Variants in PCDHGB2 observed in about 807,000 individuals in gnomAD.
PCDHGB2 encodes protocadherin gamma subfamily B, 2.
PCDHGB2 carries 55 observed loss-of-function variants against 59.3 expected under a neutral mutation model. The observed-to-expected ratio is 0.93, with a 90% CI of 0.75 to 1.16. The LOEUF is 1.16. Ranked by LOEUF, PCDHGB2 falls within the 50% of genes most tolerant of loss-of-function variation. The pLI is 0.00. For missense variants in PCDHGB2, 1,228 were observed against 1,198.5 expected, an observed-to-expected ratio of 1.02 and a Z score of -0.36; for synonymous variants, 516 against 512.0, an observed-to-expected ratio of 1.01 and a Z score of -0.11.
intron 1 of PCDHGB2, chr5:141,415,978 C>A: frequency 5.7e-6 from 2 of 353,430 alleles, no homozygotes; most frequent in Non-Finnish European, 9.4e-6. Flanking sequence ...CTTAAGCAAC[C>A]CTCTTGTTCT....
At position 141,370,593 on chromosome 5, in the gene PCDHGB2, C is replaced by T. The variant is rs373364003; in HGVS notation, c.2421+8037C>T. On this transcript the variant is annotated intron_variant, in intron 1 of 3. Coordinates refer to ENST00000522605, the MANE Select transcript of PCDHGB2 (RefSeq NM_018923.3). ...GGGGGATTTACCTACTAGGAACCTG[C>T]GGGTTATTGCAGAGAAGAAATTCTT... is the stretch of plus-strand genomic sequence containing the variant. 26 of 1,613,708 alleles carry T rather than the reference C, an allele frequency of 1.6e-5. No homozygotes were observed. The African/African-American group carries it at 2.8e-4, about 17-fold the overall frequency.
chr5:141,395,459 T>C (rs2093235244), intron 1 of PCDHGB2: 1 of 602,046 alleles, frequency 1.7e-6, no homozygotes, highest in African/African-American at 1.9e-5. Context: ...TCAACCATTT[T>C]AAGCCTTCCA....
intron 1 of PCDHGB2, among the ~76,000 whole-genome samples, chr5:141,463,095 G>C (rs1299676667): frequency 6.6e-6 from 1 of 152,098 alleles, no homozygotes; most frequent in African/African-American, 2.4e-5. Context: ...AGCCCTATGT[G>C]ACCATCAAGA....
At chr5:141,413,381 G>T in intron 1 of PCDHGB2, 2 of 1,613,946 alleles carry the variant, frequency 1.2e-6, no homozygotes, top group Admixed American at 1.7e-5. Context: ...CGCGGAGTCC[G>T]CATAGTCTCC....
Position 141,489,592 on chromosome 5 carries a change from C to T in PCDHGB2, c.2422-5215C>T, listed in dbSNP as rs747085985. 1.3e-5 allele frequency: 21 copies of T among 1,613,928 alleles called. No individual in the cohort carries two copies. The East Asian group carries it at 1.6e-4, about 12-fold the overall frequency. ...GACTGAACACCCCCTGGAGCTAATC[C>T]GTGTAGAGGTAGAGATCCTGGATCT... is the stretch of plus-strand genomic sequence containing the variant. On this transcript the variant is annotated intron_variant, in intron 1 of 3. Transcript: ENST00000522605. This position sits in a 1 kb window ranked among gnomAD's most constrained non-coding sequence, Gnocchi z 4.5.
chr5:141,371,913 G>T (rs569737317), intron 1 of PCDHGB2: 1 of 1,613,394 alleles, frequency 6.2e-7, no homozygotes, highest in African/African-American at 1.3e-5. Flanking sequence ...CTACGTGTCC[G>T]TGAGCGCGCG....
rs367914755 is a variant in PCDHGB2 at position 141,399,963 on chromosome 5, C to T, written c.2421+37407C>T. ...TGCTGCAGGCTAGCGAGCCCGGGCT[C>T]TTCAGCCTGGGGCTGCGCACAGGAG... On this transcript the variant is annotated intron_variant, in intron 1 of 3. Transcript: ENST00000522605. 793 of 1,612,310 alleles carry T rather than the reference C, an allele frequency of 4.9e-4. 4 individuals are homozygous for T. Among genetic ancestry groups the T allele is most frequent in the Non-Finnish European group, 3.8e-4 (443 of 1,179,704 alleles).
intron 1 of PCDHGB2, chr5:141,419,960 G>A (rs773071584): frequency 5.0e-6 from 8 of 1,613,960 alleles, no homozygotes; most frequent in South Asian, 4.4e-5. Context: ...CTTGATTTCT[G>A]TGCTCTTTCT....
At position 141,491,196 on chromosome 5, in the gene PCDHGB2, T is replaced by C. The variant is rs899789155; in HGVS notation, c.2422-3611T>C. ...TGGTGGTCCTGGTGAGGGACAATGGTGACCCTTCACTCTCCTCCACAGCCA... is the reference window on the plus strand; with the variant it reads ...TGGTGGTCCTGGTGAGGGACAATGGCGACCCTTCACTCTCCTCCACAGCCA... On this transcript the variant is annotated intron_variant, in intron 1 of 3. Transcript: ENST00000522605. The surrounding 1 kb of genome is among the most constrained non-coding windows in gnomAD (Gnocchi z 6.9). The C allele has an allele frequency of 6.8e-6, 11 of 1,614,186 alleles. No homozygotes were observed. The highest frequency in any genetic ancestry group is 9.3e-6 in the Non-Finnish European group (11 of 1,180,030).
Position 141,491,883 on chromosome 5 carries a change from G to T in PCDHGB2, c.2422-2924G>T. On this transcript the variant is annotated intron_variant, in intron 1 of 3. Transcript: ENST00000522605. The surrounding 1 kb of genome is among the most constrained non-coding windows in gnomAD (Gnocchi z 6.9). The stretch of plus-strand genomic sequence containing the variant: ...AAACCAGAGTGGCCGATTAAGGGAT[G>T]GGGCTCCGAGCACCGGGGGTGGTGG... 1 of 1,446,756 alleles carries T rather than the reference G, an allele frequency of 6.9e-7. No individual in the cohort carries two copies. Among genetic ancestry groups the T allele is most frequent in the South Asian group, 1.5e-5 (1 of 67,644 alleles). 89.6% of individuals were successfully genotyped at this position (1,446,756 alleles called of 1,614,324 possible). A position where few individuals can be genotyped will look rare whatever the true frequency, so the allele number is the denominator to read the frequency against.
intron 1 of PCDHGB2, chr5:141,366,034 C>T (rs1764274973): frequency 2.5e-6 from 4 of 1,614,144 alleles, no homozygotes; most frequent in Non-Finnish European, 2.5e-6. Flanking sequence ...CCGCCCTCCC[C>T]ACAGACGGTT....
Position 141,487,341 on chromosome 5 carries a change from TC to T in PCDHGB2, c.2422-7465del, listed in dbSNP as rs778559139. Reference sequence around the variant, plus strand: ...TGTCTTCGTGGGGCAGCCTGTGGAGTCACATGCTTTCCTGCTGGCACCTGTG... The same window carrying T: ...TGTCTTCGTGGGGCAGCCTGTGGAGTACATGCTTTCCTGCTGGCACCTGTG... On this transcript the variant is annotated intron_variant, in intron 1 of 3. Transcript: ENST00000522605. This position sits in a 1 kb window ranked among gnomAD's most constrained non-coding sequence, Gnocchi z 5.0. 1 of 1,614,012 alleles carries T rather than the reference TC, an allele frequency of 6.2e-7. No homozygotes were observed. The highest frequency in any genetic ancestry group is 1.1e-5 in the South Asian group (1 of 91,074).
intron 1 of PCDHGB2, chr5:141,414,230 CCAT>C: frequency 6.2e-7 from 1 of 1,613,308 alleles, no homozygotes; most frequent in Non-Finnish European, 8.5e-7. Context: ...CCAGAGCTGA[CCAT>C]CACGTCTCTA....
chr5:141,374,241 G>T lies in PCDHGB2; in HGVS notation c.2421+11685G>T, dbSNP rs761928573. The T allele has an allele frequency of 2.5e-6, 4 of 1,614,020 alleles. No homozygotes were observed. In the Admixed American group the frequency reaches 6.7e-5, roughly 27 times the overall value. On this transcript the variant is annotated intron_variant, in intron 1 of 3. Transcript: ENST00000522605. Reference sequence around the variant, plus strand: ...GTAGGCAACATCGTCAAGGATCTGGGACTGGAGCCCCAGGAGTTGGCGGAG... The same window carrying T: ...GTAGGCAACATCGTCAAGGATCTGGTACTGGAGCCCCAGGAGTTGGCGGAG...
intron 1 of PCDHGB2, among the ~76,000 whole-genome samples, chr5:141,451,435 G>T (rs947210577): frequency 6.6e-6 from 1 of 152,234 alleles, no homozygotes; most frequent in Non-Finnish European, 1.5e-5. Flanking sequence ...AAGGGTTCCA[G>T]TTCCTTGCTG....
At position 141,476,503 on chromosome 5, in the gene PCDHGB2, C is replaced by T. The variant is rs1259213742; in HGVS notation, c.2422-18304C>T. 2 of 1,614,138 alleles carry T rather than the reference C, an allele frequency of 1.2e-6. No individual in the cohort carries two copies. ...TGGAAGTGGTGATCCAGGACATCAA[C>T]GACAACAATCCTGCTTTCCCTACCC... On this transcript the variant is annotated intron_variant, in intron 1 of 3. Transcript: ENST00000522605. The surrounding 1 kb of genome is among the most constrained non-coding windows in gnomAD (Gnocchi z 7.6).
rs551330964 is a variant in PCDHGB2, at chr5:141,388,155, G to T, written c.2421+25599G>T. On this transcript the variant is annotated intron_variant, in intron 1 of 3. Coordinates refer to ENST00000522605, the MANE Select transcript of PCDHGB2 (RefSeq NM_018923.3). ...GGAGTTGCTTGTGAGCAGCAGGCTA[G>T]ACAGGGAGGAGATATGCGGGAAGAA... is the stretch of plus-strand genomic sequence containing the variant. The T allele has an allele frequency of 1.2e-5, 18 of 1,469,902 alleles. No homozygotes were observed. The African/African-American group carries it at 2.5e-4, about 21-fold the overall frequency. 91.1% of individuals were successfully genotyped at this position (1,469,902 alleles called of 1,614,324 possible). A position where few individuals can be genotyped will look rare whatever the true frequency, so the allele number is the denominator to read the frequency against.
chr5:141,423,758 G>GGGT, intron 1 of PCDHGB2: 1 of 366,842 alleles, frequency 2.7e-6, no homozygotes, highest in Non-Finnish European at 3.8e-6. Context: ...TTTGGGGGGG[G>GGGT]GGTGGGGCGG....
chr5:141,477,431 G>T lies in PCDHGB2; in HGVS notation c.2422-17376G>T. 3 of 1,614,080 alleles carry T rather than the reference G, an allele frequency of 1.9e-6. No homozygotes were observed. The highest frequency in any genetic ancestry group is 2.5e-6 in the Non-Finnish European group (3 of 1,180,012). On this transcript the variant is annotated intron_variant, in intron 1 of 3. Transcript: ENST00000522605. This position sits in a 1 kb window ranked among gnomAD's most constrained non-coding sequence, Gnocchi z 4.9. ...AGACGCCGGAACCCCTTCCCTCTCA[G>T]CCCTTACAATAGTGCGTGTTCAAGT...
Sources: gnomAD v4.1 joint callset for allele counts (sites outside exome capture counted in the v4.1 genomes callset) on GRCh38, gnomAD v4.1.1 for gene constraint, Gnocchi (gnomAD v3.1) non-coding constraint, MANE v1.5 for transcripts, NCBI Gene and HGNC (gene_info 2026-07-23, HGNC 2026-07-21) for gene names.